ABCG1: variants seen among roughly 807,000 people sequenced by gnomAD.
The protein encoded by ABCG1 is ATP-binding cassette sub-family G member 1.
ABCG1 carries 29 observed loss-of-function variants against 69.2 expected under a neutral mutation model. The observed-to-expected ratio is 0.42, with a 90% confidence interval of 0.31 to 0.57. The LOEUF is 0.57. ABCG1 is among the 20% of genes least tolerant of loss of function. The probability of loss-of-function intolerance (pLI) is 0.15; values close to 1 mark genes in which losing one functional copy is unlikely to be tolerated. For synonymous variants in ABCG1, 370 were observed against 374.8 expected (o/e 0.99, Z 0.15); for missense variants, 718 against 898.1 (o/e 0.80, Z 2.56).
intron 5 of ABCG1, among the ~76,000 whole-genome samples, chr21:42,277,676 A>G (rs1056283805): frequency 3.3e-5 from 5 of 152,202 alleles, no homozygotes; most frequent in Non-Finnish European, 5.9e-5. Context: ...CCCCCCTTCT[A>G]TAAGATTATC....
chr21:42,269,252 G>C (rs2068572086), intron 2 of ABCG1, among the ~76,000 whole-genome samples: 1 of 152,180 alleles, frequency 6.6e-6, no homozygotes, highest in South Asian at 2.1e-4. Flanking sequence ...GATATCGCGT[G>C]GGTCCCCGGG....
intron 13 of ABCG1, among the ~76,000 whole-genome samples, chr21:42,294,054 C>A (rs1355470140): frequency 6.6e-6 from 1 of 152,004 alleles, no homozygotes; most frequent in South Asian, 2.1e-4. Context: ...CACTGTGAAC[C>A]CTGAGTCGCG....
Position 42,219,261 on chromosome 21 carries a change from G to T in ABCG1, c.-2G>T. On this transcript the variant is annotated 5_prime_UTR_variant, in exon 1 of 15. Transcript: ENST00000398449. The surrounding 1 kb of genome is among the most constrained non-coding windows in gnomAD (Gnocchi z 5.3). ...CGCCGCCGCCGCCGCCGCCCCCGGGGCATGGCCTGTCTGATGGCCGCTTTC... is the reference window on the plus strand; with the variant it reads ...CGCCGCCGCCGCCGCCGCCCCCGGGTCATGGCCTGTCTGATGGCCGCTTTC... The T allele has an allele frequency of 6.4e-7, 1 of 1,573,272 alleles. No individual in the cohort carries two copies. The highest frequency in any genetic ancestry group is 1.1e-5 in the South Asian group (1 of 87,460).
chr21:42,294,115 C>T (rs1226509243), intron 13 of ABCG1, among the ~76,000 whole-genome samples: 3 of 152,182 alleles, frequency 2.0e-5, no homozygotes, highest in African/African-American at 4.8e-5. Context: ...GACAGGCAGG[C>T]GTCCATCCCG....
intron 2 of ABCG1, among the ~76,000 whole-genome samples, chr21:42,261,883 G>A (rs1054702034): frequency 3.9e-5 from 6 of 152,158 alleles, no homozygotes; most frequent in African/African-American, 1.2e-4. Flanking sequence ...GATTCTCTGC[G>A]GGTGCCCACT....
In ABCG1 at chr21:42,273,356, G is replaced by A. The variant is rs1362774007; in HGVS notation, c.458G>A (p.Arg153His). The change falls in exon 4 of 15, where the codon CGC becomes CAC. Residue 153 changes from arginine (R) to histidine (H), a missense_variant. Arg to His is a conservative substitution (Grantham distance 29, BLOSUM62 0). Transcript: ENST00000398449. This position sits in a 1 kb window ranked among gnomAD's most constrained non-coding sequence, Gnocchi z 5.3. ...VLINGLPRDL[R>H]CFRKVSCYIM... ...ATCAACGGCCTGCCCCGGGACCTGC[G>A]CTGCTTCCGGAAGGTGTCCTGCTAC... is the stretch of plus-strand genomic sequence containing the variant. The A allele has an allele frequency of 5.6e-6, 9 of 1,613,710 alleles. No individual in the cohort carries two copies. The highest frequency in any genetic ancestry group is 2.7e-5 in the African/African-American group (2 of 74,910).
At position 42,269,583 on chromosome 21, in the gene ABCG1, TC is replaced by T. The variant is rs546638222; in HGVS notation, c.287-1484del. On this transcript the variant is annotated intron_variant, in intron 2 of 14. Transcript: ENST00000398449. ...CCCGCTGGGATGACTCTCCTCACCCTCCCTGGGGCGACAACCGCCCTGTCTG... is the reference window on the plus strand; with the variant it reads ...CCCGCTGGGATGACTCTCCTCACCCTCCTGGGGCGACAACCGCCCTGTCTG... 6.3e-3 allele frequency among the ~76,000 whole-genome samples: 959 copies of T among 152,218 alleles called. 3 individuals are homozygous for T. The highest frequency in any genetic ancestry group is 0.013 in the Admixed American group (202 of 15,290).
intron 2 of ABCG1, among the ~76,000 whole-genome samples, chr21:42,264,632 A>T (rs1299746955): frequency 6.6e-6 from 1 of 152,180 alleles, no homozygotes; most frequent in Non-Finnish European, 1.5e-5. Flanking sequence ...TTCTCAGAGG[A>T]TGCTGGCAAA....
intron 2 of ABCG1, among the ~76,000 whole-genome samples, chr21:42,260,515 G>A (rs1410118347): frequency 6.6e-6 from 1 of 152,142 alleles, no homozygotes; most frequent in Non-Finnish European, 1.5e-5. Flanking sequence ...ATTTAGGGAG[G>A]AGAGGAGCCG....
At chr21:42,260,185 C>T (rs2068382619) in intron 2 of ABCG1, 2 of 1,549,808 alleles carry the variant, frequency 1.3e-6, no homozygotes, top group Non-Finnish European at 1.7e-6. Context: ...GGTCACGTGG[C>T]CCTAAAGGCA....
chr21:42,226,989 C>T (rs2067827247), intron 2 of ABCG1, among the ~76,000 whole-genome samples: 1 of 152,170 alleles, frequency 6.6e-6, no homozygotes, highest in South Asian at 2.1e-4. Flanking sequence ...TCCCTATTAT[C>T]TTCTTTTTGT....
At chr21:42,258,635 C>G (rs2068350707) in intron 2 of ABCG1, among the ~76,000 whole-genome samples, 1 of 151,890 alleles carries the variant, frequency 6.6e-6, no homozygotes, top group African/African-American at 2.4e-5. Context: ...ATCAGCCTCT[C>G]CATCCATCCC....
intron 2 of ABCG1, among the ~76,000 whole-genome samples, chr21:42,239,639 A>T (rs976225283): frequency 6.6e-6 from 1 of 152,172 alleles, no homozygotes; most frequent in Admixed American, 6.5e-5. Flanking sequence ...GGCTGTAAGT[A>T]GCAGAGCCAA....
At chr21:42,221,733 G>A (rs747973750) in intron 1 of ABCG1, among the ~76,000 whole-genome samples, 4 of 152,228 alleles carry the variant, frequency 2.6e-5, no homozygotes, top group Non-Finnish European at 5.9e-5. Context: ...AAAGAGAGAA[G>A]ACAGACAGCT....
intron 1 of ABCG1, among the ~76,000 whole-genome samples, chr21:42,220,891 AT>A (rs1375941801): frequency 2.0e-5 from 3 of 152,256 alleles, no homozygotes; most frequent in Non-Finnish European, 4.4e-5. Context: ...TAACTCTTGA[AT>A]TCCTTCTAGA....
At chr21:42,250,792 T>C (rs2068207520) in intron 2 of ABCG1, among the ~76,000 whole-genome samples, 1 of 152,072 alleles carries the variant, frequency 6.6e-6, no homozygotes, top group East Asian at 1.9e-4. Context: ...CTTACCCCTT[T>C]CCTCCCTGGC....
At chr21:42,271,255 C>G (rs766739495) in intron 3 of ABCG1, 68 bp downstream of exon 3, 3 of 999,900 alleles carry the variant, frequency 3.0e-6, no homozygotes, top group Non-Finnish European at 4.3e-6. Flanking sequence ...AACAGTGGAG[C>G]TCCTTCCATC....
At chr21:42,293,364 C>T (rs1476988301) in intron 13 of ABCG1, among the ~76,000 whole-genome samples, 3 of 148,090 alleles carry the variant, frequency 2.0e-5, no homozygotes, top group South Asian at 2.2e-4. Context: ...ACACTACACA[C>T]ACACCACACT....
chr21:42,292,655 A>G, intron 13 of ABCG1, among the ~76,000 whole-genome samples: 1 of 150,132 alleles, frequency 6.7e-6, no homozygotes, highest in Admixed American at 6.6e-5. Flanking sequence ...ACACCACACT[A>G]CACACCACAC....
Sources: gnomAD v4.1 joint callset for allele counts (sites outside exome capture counted in the v4.1 genomes callset) on GRCh38, gnomAD v4.1.1 for gene constraint, Gnocchi (gnomAD v3.1) non-coding constraint, MANE v1.5 for transcripts, NCBI Gene and HGNC (gene_info 2026-07-23, HGNC 2026-07-21) for gene names.